B4GALNT2: variants seen among roughly 807,000 people sequenced by gnomAD.
The protein encoded by B4GALNT2 is beta-1,4-N-acetyl-galactosaminyltransferase 2 (SID blood group), also known as N-acetylneuraminylgalactosylglucosyl-glucoside beta-1,4-N- acetylgalactosaminyltransferase 2.
A neutral mutation model predicts 51.1 loss-of-function variants in B4GALNT2; 42 were observed. That is an observed-to-expected ratio of 0.82 (90% CI 0.64 to 1.06). The LOEUF is 1.06. Among genes scored for constraint, B4GALNT2 ranks in the 50% least tolerant of loss-of-function variants. B4GALNT2 has a pLI of 0.00. For missense variants in B4GALNT2, 602 were observed against 633.6 expected (o/e 0.95, Z 0.54); for synonymous variants, 253 against 251.7 (o/e 1.01, Z -0.05).
rs192755117 is a variant in B4GALNT2 at position 49,137,018 on chromosome 17, G to A, written c.14+4212G>A. ...AATATTAAGTTACACAGCTTAAAAG[G>A]CATGTAATATATCAGATGTCTGCTC... On this transcript the variant is annotated intron_variant, in intron 1 of 10. Coordinates refer to ENST00000393354, the MANE Select transcript of B4GALNT2 (RefSeq NM_001159387.2). Among the ~76,000 whole-genome samples the A allele has an allele frequency of 1.8e-3, 268 of 151,928 alleles. 4 individuals are homozygous for A. Among genetic ancestry groups the A allele is most frequent in the African/African-American group, 5.8e-3 (242 of 41,420 alleles).
chr17:49,143,224 G>A (rs1291065887), intron 3 of B4GALNT2, among the ~76,000 whole-genome samples: 3 of 151,848 alleles, frequency 2.0e-5, no homozygotes, highest in Non-Finnish European at 4.4e-5. Context: ...CCTCCAACCT[G>A]AGCAACAGAG....
At chr17:49,128,559 G>A (rs961886691), upstream of B4GALNT2, among the ~76,000 whole-genome samples, 2 of 152,204 alleles carry the variant, frequency 1.3e-5, no homozygotes, top group African/African-American at 2.4e-5. Flanking sequence ...AGACAGAGAG[G>A]GTCGGGATCT....
At chr17:49,152,951 T>G in intron 4 of B4GALNT2, 45 bp downstream of exon 4, 1 of 1,518,730 alleles carries the variant, frequency 6.6e-7, no homozygotes, top group African/African-American at 1.4e-5. Flanking sequence ...ACATTCTCAC[T>G]CTTCTAAGGC....
chr17:49,169,384 G>T, intron 10 of B4GALNT2, 139 bp from the exon 11 acceptor site: 3 of 734,426 alleles, frequency 4.1e-6, no homozygotes, highest in Non-Finnish European at 7.0e-6. Context: ...AGAGTTAAGG[G>T]TGTGGCTTCA....
chr17:49,154,519 G>T (rs1165413827), intron 4 of B4GALNT2, among the ~76,000 whole-genome samples: 2 of 151,296 alleles, frequency 1.3e-5, no homozygotes, highest in Non-Finnish European at 2.9e-5. Context: ...TCTGCTTGTG[G>T]GCTCATGGCT....
intron 3 of B4GALNT2, among the ~76,000 whole-genome samples, chr17:49,149,291 T>G (rs1269340673): frequency 6.6e-6 from 1 of 152,148 alleles, no homozygotes; most frequent in African/African-American, 2.4e-5. Context: ...ACCTTCATGT[T>G]TACATTTACA....
intron 7 of B4GALNT2, among the ~76,000 whole-genome samples, chr17:49,163,827 A>G (rs889646110): frequency 6.6e-6 from 1 of 152,024 alleles, no homozygotes; most frequent in Non-Finnish European, 1.5e-5. Flanking sequence ...GAGGTGTAAA[A>G]TGAAGCATTC....
chr17:49,143,248 C>CA (rs1258059343), intron 3 of B4GALNT2, among the ~76,000 whole-genome samples: 12 of 149,428 alleles, frequency 8.0e-5, no homozygotes, highest in Non-Finnish European at 1.2e-4. Context: ...GACTCCATCT[C>CA]AAAAAAAAGA....
intron 5 of B4GALNT2, among the ~76,000 whole-genome samples, chr17:49,157,692 G>C (rs1291211305): frequency 1.3e-5 from 2 of 151,972 alleles, no homozygotes; most frequent in African/African-American, 4.8e-5. Context: ...GAACTCCTGC[G>C]CTCAAATGAT....
At chr17:49,130,652 T>C (rs1056510638), upstream of B4GALNT2, among the ~76,000 whole-genome samples, 47 of 107,498 alleles carry the variant, frequency 4.4e-4, no homozygotes, top group Non-Finnish European at 6.2e-4. Flanking sequence ...GAAAAAAATG[T>C]CTAGTTGTGT....
rs971495392 is a variant in B4GALNT2 at position 49,159,173 on chromosome 17, T to C, written c.635T>C (p.Val212Ala). Residue 212 changes from valine to alanine, a missense_variant, in exon 6 of 11, where the codon GTG becomes GCG. By Grantham distance (64) the Val-to-Ala change is moderately conservative (BLOSUM62 0). Transcript: ENST00000393354. The stretch of plus-strand genomic sequence containing the variant: ...CTGTTGAAGTTCATTCTTCAGCACG[T>C]GACATACACCAGCACGGGGTACCAG... ...RKLLKFILQH[V>A]TYTSTGYQHQ... is the part of the protein sequence containing the mutation. 1.9e-6 allele frequency: 3 copies of C among 1,614,076 alleles called. No homozygotes were observed. The highest frequency in any genetic ancestry group is 2.5e-6 in the Non-Finnish European group (3 of 1,180,042).
In B4GALNT2 at chr17:49,174,711, C is replaced by T. The variant is rs1222318314; in HGVS notation, c.*4983C>T. 6.6e-6 allele frequency: 1 copy of T among 152,166 alleles called. No homozygotes were observed. The highest frequency in any genetic ancestry group is 1.5e-5 in the Non-Finnish European group (1 of 68,024). 9.4% of individuals were successfully genotyped at this position (152,166 alleles called of 1,614,324 possible). ...GAGCCTCCAGTTTCTCTTTACTTAG[C>T]AGTCATTGTTCTATCCAAATTGGCT... is the stretch of plus-strand genomic sequence containing the variant. On this transcript the variant is annotated 3_prime_UTR_variant, in exon 11 of 11. Coordinates refer to ENST00000393354, the MANE Select transcript of B4GALNT2 (RefSeq NM_001159387.2).
At chr17:49,163,191 C>T (rs2042880309) in intron 7 of B4GALNT2, among the ~76,000 whole-genome samples, 2 of 152,132 alleles carry the variant, frequency 1.3e-5, no homozygotes, top group South Asian at 4.1e-4. Context: ...GGGGTCTTTT[C>T]CTTAGGAAAG....
chr17:49,143,066 T>C (rs1041196208), intron 3 of B4GALNT2, among the ~76,000 whole-genome samples: 2 of 152,090 alleles, frequency 1.3e-5, no homozygotes, highest in Non-Finnish European at 2.9e-5. Flanking sequence ...CTGGCCAACA[T>C]GGTGAAACCC....
At chr17:49,144,152 C>G (rs990891667) in intron 3 of B4GALNT2, among the ~76,000 whole-genome samples, 2 of 151,990 alleles carry the variant, frequency 1.3e-5, no homozygotes, top group African/African-American at 4.8e-5. Context: ...GACTCCATCT[C>G]AAAACAACAA....
chr17:49,163,647 T>C (rs548086023), intron 7 of B4GALNT2, among the ~76,000 whole-genome samples: 1 of 151,138 alleles, frequency 6.6e-6, no homozygotes, highest in East Asian at 1.9e-4. Flanking sequence ...TCCCAGCTAC[T>C]TGGGAGGCTG....
At chr17:49,132,936 G>T (rs891305394) in intron 1 of B4GALNT2, 130 bp downstream of exon 1, 1 of 1,383,536 alleles carries the variant, frequency 7.2e-7, no homozygotes, top group Non-Finnish European at 9.4e-7. Flanking sequence ...GGAGCGGGCG[G>T]TTGGAGTCTT....
chr17:49,141,153 T>A, intron 1 of B4GALNT2, 94 bp from the exon 2 acceptor site: 1 of 1,222,422 alleles, frequency 8.2e-7, no homozygotes, highest in Non-Finnish European at 1.2e-6. Context: ...GCTATGTGCT[T>A]AGCTTACATT....
chr17:49,123,965 C>T, the B4GALNT2 span, among the ~76,000 whole-genome samples: 2 of 152,180 alleles, frequency 1.3e-5, no homozygotes, highest in African/African-American at 4.8e-5. Flanking sequence ...ATTCTTATTG[C>T]ACTTATGCAA....
Sources: gnomAD v4.1 joint callset for allele counts (sites outside exome capture counted in the v4.1 genomes callset) on GRCh38, gnomAD v4.1.1 for gene constraint, MANE v1.5 for transcripts, NCBI Gene and HGNC (gene_info 2026-07-23, HGNC 2026-07-21) for gene names.